ST3GAL1: variants seen among roughly 807,000 people sequenced by gnomAD.
The protein encoded by ST3GAL1 is ST3 beta-galactoside alpha-2,3-sialyltransferase 1.
ST3GAL1 carries 16 observed loss-of-function variants against 34.1 expected under a neutral mutation model. That is an observed-to-expected ratio of 0.47 (90% CI 0.32 to 0.71). The LOEUF is 0.71. Among genes scored for constraint, ST3GAL1 ranks in the 30% least tolerant of loss-of-function variants. The pLI, the probability that ST3GAL1 is intolerant of heterozygous loss-of-function variation, is 0.04. For missense variants in ST3GAL1, 353 were observed against 447.4 expected (o/e 0.79, Z 1.90); for synonymous variants, 191 against 184.7 (o/e 1.03, Z -0.28).
At chr8:133,496,150 G>A (rs1816940191) in intron 3 of ST3GAL1, among the ~76,000 whole-genome samples, 1 of 152,206 alleles carries the variant, frequency 6.6e-6, no homozygotes, top group South Asian at 2.1e-4. Context: ...CCTTTCTTAA[G>A]AGAACCCTTC....
At chr8:133,470,557 C>T (rs1199979681) in intron 5 of ST3GAL1, among the ~76,000 whole-genome samples, 4 of 152,234 alleles carry the variant, frequency 2.6e-5, no homozygotes, top group East Asian at 3.9e-4. Flanking sequence ...ATACAATCAG[C>T]GCTCAATCAA....
At position 133,536,511 on chromosome 8, in the gene ST3GAL1, C is replaced by A. The variant is rs77810221; in HGVS notation, c.-429+9263G>T. Among the ~76,000 whole-genome samples, 386 of 152,278 alleles carry A rather than the reference C, an allele frequency of 2.5e-3. 1 individual carries two copies. Among genetic ancestry groups the A allele is most frequent in the African/African-American group, 8.9e-3 (369 of 41,554 alleles). On this transcript the variant is annotated intron_variant, in intron 2 of 9. Transcript: ENST00000522652. ...TCTTGGGACATTGGCATTGTAAAGG[C>A]CTCTGGGCCTGGCCACAGTGGTTCA...
intron 2 of ST3GAL1, among the ~76,000 whole-genome samples, chr8:133,499,758 C>A (rs1191797645): frequency 6.6e-6 from 1 of 152,132 alleles, no homozygotes; most frequent in Non-Finnish European, 1.5e-5. Flanking sequence ...AACCGAAGCT[C>A]GGAGGTCGAG....
intron 2 of ST3GAL1, among the ~76,000 whole-genome samples, chr8:133,518,073 G>C (rs1817695720): frequency 6.6e-6 from 1 of 152,170 alleles, no homozygotes; most frequent in Admixed American, 6.5e-5. Context: ...TGGCCCCTGG[G>C]GATATATGAA....
chr8:133,526,475 C>A (rs1220156006), intron 2 of ST3GAL1, among the ~76,000 whole-genome samples: 1 of 152,186 alleles, frequency 6.6e-6, no homozygotes, highest in Non-Finnish European at 1.5e-5. Flanking sequence ...AACCAGCCAG[C>A]ATCTTTCTTT....
chr8:133,527,860 C>T (rs1191986426), intron 2 of ST3GAL1, among the ~76,000 whole-genome samples: 1 of 152,156 alleles, frequency 6.6e-6, no homozygotes, highest in Non-Finnish European at 1.5e-5. Context: ...GAGCCCATTC[C>T]CATCGAGAGC....
chr8:133,550,949 C>A (rs1818819452), intron 1 of ST3GAL1, among the ~76,000 whole-genome samples: 1 of 152,150 alleles, frequency 6.6e-6, no homozygotes, highest in South Asian at 2.1e-4. Context: ...AGCTGGATAC[C>A]ACTCCTGGAG....
intron 1 of ST3GAL1, among the ~76,000 whole-genome samples, chr8:133,564,519 TACAC>T (rs60855292): frequency 7.0e-4 from 102 of 145,940 alleles, no homozygotes; most frequent in South Asian, 1.5e-3. Context: ...AAAGAGAAAA[TACAC>T]ACACACACAC....
At chr8:133,464,267 C>G (rs117891448) in intron 7 of ST3GAL1, among the ~76,000 whole-genome samples, 4 of 152,226 alleles carry the variant, frequency 2.6e-5, no homozygotes, top group Admixed American at 6.5e-5. Flanking sequence ...GTGCCACGTG[C>G]GGTGTCTGCT....
At chr8:133,471,994 A>T (rs1177402079) in intron 5 of ST3GAL1, among the ~76,000 whole-genome samples, 1 of 151,952 alleles carries the variant, frequency 6.6e-6, no homozygotes, top group Non-Finnish European at 1.5e-5. Flanking sequence ...TCAGCATTCG[A>T]CATGGCTTGT....
chr8:133,475,145 G>A (rs1193123737), intron 5 of ST3GAL1, among the ~76,000 whole-genome samples: 2 of 152,214 alleles, frequency 1.3e-5, no homozygotes, highest in African/African-American at 2.4e-5. Flanking sequence ...GAAAAGGAGA[G>A]GGACATGTGA....
intron 1 of ST3GAL1, among the ~76,000 whole-genome samples, chr8:133,560,260 T>TA (rs370040473): frequency 7.2e-4 from 105 of 145,040 alleles, no homozygotes; most frequent in Middle Eastern, 3.5e-3. Flanking sequence ...TCAGTTTTAC[T>TA]AAAAAAAAAA....
At chr8:133,566,426 A>C (rs1225712976) in intron 1 of ST3GAL1, among the ~76,000 whole-genome samples, 1 of 152,150 alleles carries the variant, frequency 6.6e-6, no homozygotes, top group Non-Finnish European at 1.5e-5. Flanking sequence ...ACTTTCTCTT[A>C]TAAACAGACT....
At chr8:133,557,532 G>A (rs961968548) in intron 1 of ST3GAL1, among the ~76,000 whole-genome samples, 1 of 152,108 alleles carries the variant, frequency 6.6e-6, no homozygotes, top group African/African-American at 2.4e-5. Flanking sequence ...CACCAGCCAG[G>A]CCCTGTCTGT....
chr8:133,483,834 C>T (rs1291940706), intron 3 of ST3GAL1, among the ~76,000 whole-genome samples: 9 of 152,202 alleles, frequency 5.9e-5, no homozygotes, highest in Admixed American at 5.9e-4. Flanking sequence ...TGTAGAGAGT[C>T]AGGCCCACCT....
Position 133,498,207 on chromosome 8 carries a change from C to T in ST3GAL1, c.-374+928G>A, listed in dbSNP as rs539128489. ...CCCGCCAGAAGGCAGGCAGTTCATC[C>T]GACTCCCTGACTGCTGTGTGCCTGC... is the stretch of plus-strand genomic sequence containing the variant. On this transcript the variant is annotated intron_variant, in intron 3 of 9. Transcript: ENST00000522652. 7.9e-5 allele frequency among the ~76,000 whole-genome samples: 12 copies of T among 152,342 alleles called. No homozygotes were observed. The East Asian group carries it at 1.3e-3, about 17-fold the overall frequency.
chr8:133,565,204 G>T (rs1016572941), intron 1 of ST3GAL1, among the ~76,000 whole-genome samples: 1 of 135,552 alleles, frequency 7.4e-6, no homozygotes. Context: ...TCTCCTCCAG[G>T]CCTGCTCCTA....
rs1032621773 is a variant in ST3GAL1, at chr8:133,533,394, C to A, written c.-429+12380G>T. Among the ~76,000 whole-genome samples, 5 of 152,198 alleles carry A rather than the reference C, an allele frequency of 3.3e-5. No individual in the cohort carries two copies. The South Asian group carries it at 8.3e-4, about 25-fold the overall frequency. Reference sequence around the variant, plus strand: ...TCTAGTGCAGGCATGGGCTCTCGAGCAGCCTACACACAGGTGTGAGAGCTC... The same window carrying A: ...TCTAGTGCAGGCATGGGCTCTCGAGAAGCCTACACACAGGTGTGAGAGCTC... On this transcript the variant is annotated intron_variant, in intron 2 of 9. Transcript: ENST00000522652.
At chr8:133,547,627 G>A (rs1473362139) in intron 1 of ST3GAL1, among the ~76,000 whole-genome samples, 1 of 152,178 alleles carries the variant, frequency 6.6e-6, no homozygotes, top group Non-Finnish European at 1.5e-5. Flanking sequence ...CCCCAGATGT[G>A]TGGATGGGCC....
Sources: allele counts gnomAD v4.1 joint callset (sites outside exome capture counted in the v4.1 genomes callset), GRCh38; gene constraint gnomAD v4.1.1; transcripts MANE v1.5; gene names NCBI Gene and HGNC (gene_info 2026-07-23, HGNC 2026-07-21).